Variants in CDH4 observed in about 807,000 individuals in gnomAD.
The protein encoded by CDH4 is cadherin 4, also known as cadherin-4.
In CDH4, 33 loss-of-function variants were observed where a neutral mutation model predicts 86.0. The ratio of observed to expected loss-of-function variants is 0.38; its 90% CI spans 0.29 to 0.51. The LOEUF is 0.51. Among genes scored for constraint, CDH4 ranks in the 20% least tolerant of loss-of-function variants. The pLI is 0.86. For missense variants in CDH4, 1,114 were observed against 1,307.4 expected, an observed-to-expected ratio of 0.85 and a Z score of 2.28; for synonymous variants, 555 against 549.4, an observed-to-expected ratio of 1.01 and a Z score of -0.14.
rs148948233 is a variant in CDH4 at position 61,776,771 on chromosome 20, G to A, written c.576+3589G>A. Among the ~76,000 whole-genome samples, 275 of 152,324 alleles carry A rather than the reference G, an allele frequency of 1.8e-3. 1 individual carries two copies. Among genetic ancestry groups the A allele is most frequent in the African/African-American group, 6.0e-3 (250 of 41,578 alleles). ...AGCCATTCAGCCACCCAGGATGAGC[G>A]TCTCGGGACTGGCGAGGCTTACAAG... is the stretch of plus-strand genomic sequence containing the variant. On this transcript the variant is annotated intron_variant, in intron 4 of 15. Coordinates refer to ENST00000614565, the MANE Select transcript of CDH4 (RefSeq NM_001794.5).
intron 2 of CDH4, among the ~76,000 whole-genome samples, chr20:61,337,181 G>A (rs1025283192): frequency 7.8e-6 from 1 of 128,798 alleles, no homozygotes; most frequent in Non-Finnish European, 1.7e-5. Flanking sequence ...ATGGATACCT[G>A]AGAACTTAGT....
intron 2 of CDH4, among the ~76,000 whole-genome samples, chr20:61,693,097 C>T (rs1044802962): frequency 6.6e-6 from 1 of 152,174 alleles, no homozygotes. Context: ...ATCACCGGCT[C>T]ACCTGGTCAC....
At chr20:61,809,752 G>A (rs1205828931) in intron 4 of CDH4, among the ~76,000 whole-genome samples, 1 of 152,236 alleles carries the variant, frequency 6.6e-6, no homozygotes, top group African/African-American at 2.4e-5. Context: ...TCATTGCTGG[G>A]AGGCTGTTTG....
intron 2 of CDH4, among the ~76,000 whole-genome samples, chr20:61,559,641 C>T (rs2086202205): frequency 6.7e-6 from 1 of 150,230 alleles, no homozygotes; most frequent in Non-Finnish European, 1.5e-5. Flanking sequence ...GCCTCAGCCT[C>T]CCGAGTAGCT....
At chr20:61,778,688 C>A (rs547994871) in intron 4 of CDH4, among the ~76,000 whole-genome samples, 2 of 152,246 alleles carry the variant, frequency 1.3e-5, no homozygotes, top group South Asian at 4.2e-4. Context: ...CTCAGAACCC[C>A]AGGCTGTCCC....
intron 2 of CDH4, among the ~76,000 whole-genome samples, chr20:61,662,431 G>A (rs778176524): frequency 1.3e-5 from 2 of 152,208 alleles, no homozygotes; most frequent in East Asian, 1.9e-4. Flanking sequence ...CTCCGTGCGC[G>A]GCTTCACCAT....
Position 61,746,746 on chromosome 20 carries a change from A to G in CDH4, c.396+2957A>G, listed in dbSNP as rs534650898. Among the ~76,000 whole-genome samples, 15 of 152,306 alleles carry G rather than the reference A, an allele frequency of 9.8e-5. 1 individual carries two copies. The South Asian group carries it at 2.9e-3, about 29-fold the overall frequency. Reference sequence around the variant, plus strand: ...GTGCTGGTATTTCATGAGGTTATGGAGGTCAGGAGGTGGAAAACAGCAGCG... The same window carrying G: ...GTGCTGGTATTTCATGAGGTTATGGGGGTCAGGAGGTGGAAAACAGCAGCG... On this transcript the variant is annotated intron_variant, in intron 3 of 15. Coordinates refer to ENST00000614565, the MANE Select transcript of CDH4 (RefSeq NM_001794.5).
chr20:61,355,869 A>G (rs1443855148), intron 2 of CDH4, among the ~76,000 whole-genome samples: 2 of 152,208 alleles, frequency 1.3e-5, no homozygotes, highest in East Asian at 3.9e-4. Context: ...TGCTTGAAAA[A>G]TTTCCTGCCT....
intron 2 of CDH4, among the ~76,000 whole-genome samples, chr20:61,380,159 C>T (rs1301404495): frequency 6.6e-6 from 1 of 152,174 alleles, no homozygotes; most frequent in Non-Finnish European, 1.5e-5. Flanking sequence ...GGGGAGACTG[C>T]TCGATGCTTC....
chr20:61,634,962 G>A (rs2086931739), intron 2 of CDH4, among the ~76,000 whole-genome samples: 1 of 152,192 alleles, frequency 6.6e-6, no homozygotes. Context: ...CGAAGCGTGT[G>A]TCGGAATTGC....
At chr20:61,863,401 G>C (rs1305993685) in intron 6 of CDH4, among the ~76,000 whole-genome samples, 2 of 152,140 alleles carry the variant, frequency 1.3e-5, no homozygotes, top group African/African-American at 4.8e-5. Flanking sequence ...TAGAAAGATG[G>C]TTTCCTTCTC....
chr20:61,411,963 A>G lies in CDH4; in HGVS notation c.169+157026A>G, dbSNP rs551644287. ...TGATTTCAGCAGGGTGACTGTGGGC[A>G]CTGGTCATGCAGAGCTGCTGCCTCA... is the stretch of plus-strand genomic sequence containing the variant. On this transcript the variant is annotated intron_variant, in intron 2 of 15. Coordinates refer to ENST00000614565, the MANE Select transcript of CDH4 (RefSeq NM_001794.5). 2.6e-5 allele frequency among the ~76,000 whole-genome samples: 4 copies of G among 152,322 alleles called. No homozygotes were observed. The East Asian group carries it at 7.8e-4, about 30-fold the overall frequency.
chr20:61,883,076 A>G (rs1448201014), intron 7 of CDH4, among the ~76,000 whole-genome samples: 1 of 151,034 alleles, frequency 6.6e-6, no homozygotes, highest in Non-Finnish European at 1.5e-5. Flanking sequence ...TGAGAAATGA[A>G]CCCGGCCCCA....
chr20:61,844,722 G>A lies in CDH4; in HGVS notation c.631G>A (p.Gly211Ser). ...IPIRYSITGV[G>S]ADQPPMEVFS... ...CATCCGGTACAGCATCACGGGAGTG[G>A]GCGCCGACCAGCCCCCCATGGAGGT... The change falls in exon 5 of 16, where the codon GGC becomes AGC. Residue 211 changes from glycine to serine, a missense_variant. By Grantham distance (56) the Gly-to-Ser change is moderately conservative. Around this residue, in one of 3 missense-constraint regions of CDH4, gnomAD observed 705 missense variants for 914.1 expected, o/e 0.77. Coordinates refer to ENST00000614565, the MANE Select transcript of CDH4 (RefSeq NM_001794.5). 6.2e-7 allele frequency: 1 copy of A among 1,614,028 alleles called. No individual in the cohort carries two copies. Among genetic ancestry groups the A allele is most frequent in the Non-Finnish European group, 8.5e-7 (1 of 1,179,932 alleles).
intron 4 of CDH4, among the ~76,000 whole-genome samples, chr20:61,841,915 C>A (rs1164490040): frequency 1.3e-5 from 2 of 152,178 alleles, no homozygotes; most frequent in African/African-American, 4.8e-5. Flanking sequence ...CAGCTTTTTT[C>A]TATTACGACA....
intron 2 of CDH4, among the ~76,000 whole-genome samples, chr20:61,284,313 C>CAA (rs912348327): frequency 6.7e-6 from 1 of 149,706 alleles, no homozygotes; most frequent in African/African-American, 2.5e-5. Flanking sequence ...GACTCCGTCT[C>CAA]AAAAAAAAAA....
At chr20:61,697,374 TG>T (rs1244653795) in intron 2 of CDH4, among the ~76,000 whole-genome samples, 1 of 151,618 alleles carries the variant, frequency 6.6e-6, no homozygotes, top group African/African-American at 2.4e-5. Flanking sequence ...CTGAGGCGGG[TG>T]GATCACAAGG....
At chr20:61,316,269 G>A (rs898262162) in intron 2 of CDH4, among the ~76,000 whole-genome samples, 1 of 152,216 alleles carries the variant, frequency 6.6e-6, no homozygotes, top group Non-Finnish European at 1.5e-5. Flanking sequence ...CCAATCCATC[G>A]GAAGAAGTTA....
chr20:61,574,490 C>T (rs1207232105), intron 2 of CDH4, among the ~76,000 whole-genome samples: 1 of 152,242 alleles, frequency 6.6e-6, no homozygotes, highest in African/African-American at 2.4e-5. Flanking sequence ...ACCTGACCCC[C>T]ACCCCCCTTT....
Sources: gnomAD v4.1 joint callset for allele counts (sites outside exome capture counted in the v4.1 genomes callset) on GRCh38, gnomAD v4.1.1 for gene constraint, gnomAD v4.1.1 regional missense constraint, MANE v1.5 for transcripts, NCBI Gene and HGNC (gene_info 2026-07-23, HGNC 2026-07-21) for gene names.